The following KALRN variants were observed in gnomAD, a reference collection of about 807,000 sequenced individuals.
KALRN encodes the protein kalirin.
In KALRN, 70 loss-of-function variants were observed where a neutral mutation model predicts 353.7. The observed-to-expected ratio is 0.20, with a 90% CI of 0.16 to 0.24. The LOEUF (loss-of-function observed/expected upper bound fraction) is 0.24, where lower values mean the gene tolerates loss of function less well. KALRN is among the 10% of genes least tolerant of loss of function. The pLI is 1.00. For missense variants in KALRN, 2,791 were observed against 3,756.7 expected (o/e 0.74, Z 6.72); for synonymous variants, 1,391 against 1,434.8 (o/e 0.97, Z 0.69).
intron 9 of KALRN, among the ~76,000 whole-genome samples, chr3:124,336,605 C>G (rs541463874): frequency 3.4e-4 from 51 of 152,218 alleles, no homozygotes; most frequent in African/African-American, 1.2e-3. Context: ...CAGACTCCAA[C>G]TATCAGGGAA....
chr3:124,374,737 C>A (rs765405900), intron 10 of KALRN, among the ~76,000 whole-genome samples: 2 of 152,236 alleles, frequency 1.3e-5, no homozygotes, highest in Non-Finnish European at 2.9e-5. Context: ...CACCCACTCC[C>A]TCCCACTGCC....
intron 33 of KALRN, chr3:124,562,621 T>C (rs1248090867): frequency 8.4e-6 from 3 of 358,382 alleles, no homozygotes; most frequent in Non-Finnish European, 1.6e-5. Context: ...AGCACTGTGC[T>C]AATTACATTT....
At chr3:124,169,345 T>C (rs2071374858) in intron 1 of KALRN, among the ~76,000 whole-genome samples, 1 of 151,962 alleles carries the variant, frequency 6.6e-6, no homozygotes, top group Non-Finnish European at 1.5e-5. Flanking sequence ...AGGGATGGGG[T>C]GGATTTGGCT....
At chr3:124,202,244 GT>G (rs569828609) in intron 1 of KALRN, among the ~76,000 whole-genome samples, 5 of 151,914 alleles carry the variant, frequency 3.3e-5, no homozygotes, top group Non-Finnish European at 5.9e-5. Context: ...CTTCACTTTA[GT>G]TTTTTTGTTT....
Position 124,674,436 on chromosome 3 carries a change from G to T in KALRN, c.7015G>T (p.Glu2339Ter). The stretch of plus-strand genomic sequence containing the variant: ...AGATTACTATGCACTGAAGGAGAAT[G>T]AAATCTGTGTGAGCCAAGGTGAGGT... ...IKDYYALKEN[E>*]ICVSQGEVVQ... The change falls in exon 49 of 60, where the codon GAA becomes TAA. Residue 2339 changes from glutamate (E) to a stop codon, truncating the protein, a stop_gained. Coordinates refer to ENST00000682506, the MANE Select transcript of KALRN (RefSeq NM_001388419.1). LOFTEE classifies it high-confidence loss of function. 6.2e-7 allele frequency: 1 copy of T among 1,614,084 alleles called. No homozygotes were observed. Among genetic ancestry groups the T allele is most frequent in the Non-Finnish European group, 8.5e-7 (1 of 1,180,004 alleles).
chr3:124,266,769 T>G (rs2148905264), intron 4 of KALRN, among the ~76,000 whole-genome samples: 1 of 152,302 alleles, frequency 6.6e-6, no homozygotes, highest in South Asian at 2.1e-4. Flanking sequence ...TACAAGAAAT[T>G]TGGCTTGGTA....
Position 124,529,151 on chromosome 3 carries a change from T to G in KALRN, c.4935+32738T>G, listed in dbSNP as rs186818096. Among the ~76,000 whole-genome samples, 68 of 152,300 alleles carry G rather than the reference T, an allele frequency of 4.5e-4. 1 individual carries two copies. The East Asian group carries it at 0.012, about 28-fold the overall frequency. On this transcript the variant is annotated intron_variant, in intron 33 of 59. Transcript: ENST00000682506. The stretch of plus-strand genomic sequence containing the variant: ...GGATAAGTTCCATGAGGGTAGGGAT[T>G]CTTGTCTGCTTTCTTCACTGCTATA...
intron 6 of KALRN, among the ~76,000 whole-genome samples, chr3:124,324,810 T>A (rs1432246442): frequency 2.0e-5 from 3 of 152,250 alleles, no homozygotes; most frequent in Non-Finnish European, 4.4e-5. Flanking sequence ...CTACTCAGTA[T>A]TAATGAACTA....
intron 14 of KALRN, among the ~76,000 whole-genome samples, chr3:124,418,950 C>A (rs1219519156): frequency 6.6e-6 from 1 of 150,892 alleles, no homozygotes; most frequent in African/African-American, 2.4e-5. Context: ...TTTTTTAATT[C>A]TCCAGCTGAT....
chr3:124,382,979 C>G (rs1292328798), intron 10 of KALRN, among the ~76,000 whole-genome samples: 2 of 152,200 alleles, frequency 1.3e-5, no homozygotes, highest in Admixed American at 6.5e-5. Context: ...AACTACTTTC[C>G]TCATATGAAG....
intron 10 of KALRN, among the ~76,000 whole-genome samples, chr3:124,352,228 G>A (rs1374353799): frequency 6.6e-6 from 1 of 152,210 alleles, no homozygotes; most frequent in Non-Finnish European, 1.5e-5. Flanking sequence ...TGGAGTTCCT[G>A]CCCATAATAG....
In KALRN at chr3:124,334,237, T is replaced by A; in HGVS notation, c.1417-28T>A. 1 of 1,597,626 alleles carries A rather than the reference T, an allele frequency of 6.3e-7. No individual in the cohort carries two copies. The highest frequency in any genetic ancestry group is 2.2e-5 in the East Asian group (1 of 44,800). ...GTGCCCTGCCTATCACCCTTTTCCC[T>A]TAACTTAAACTTCTCTCTTTCCTGC... On this transcript the variant is annotated intron_variant, in intron 8 of 59. Transcript: ENST00000682506. The surrounding 1 kb of genome is among the most constrained non-coding windows in gnomAD (Gnocchi z 4.2).
intron 10 of KALRN, among the ~76,000 whole-genome samples, chr3:124,347,500 A>G (rs1351543565): frequency 6.6e-6 from 1 of 151,864 alleles, no homozygotes; most frequent in Non-Finnish European, 1.5e-5. Context: ...GCCTGATGCA[A>G]GGAGTCCTTT....
rs544362621 is a variant in KALRN at position 124,618,629 on chromosome 3, C to T, written c.5183-13791C>T. Among the ~76,000 whole-genome samples, 4 of 152,254 alleles carry T rather than the reference C, an allele frequency of 2.6e-5. 1 individual carries two copies. The highest frequency in any genetic ancestry group is 2.0e-4 in the Admixed American group (3 of 15,298). On this transcript the variant is annotated intron_variant, in intron 34 of 59. Coordinates refer to ENST00000682506, the MANE Select transcript of KALRN (RefSeq NM_001388419.1). ...TTACTAGATAAGCTAATAGAGTTAA[C>T]GGTGCTTTACGGAGCTCATTGAGGG... is the stretch of plus-strand genomic sequence containing the variant.
At chr3:124,364,975 A>C (rs1356324188) in intron 10 of KALRN, among the ~76,000 whole-genome samples, 1 of 152,188 alleles carries the variant, frequency 6.6e-6, no homozygotes, top group Non-Finnish European at 1.5e-5. Context: ...AAGTTGGCTC[A>C]AAAAGTCACT....
chr3:124,307,105 T>A (rs1174008627), intron 6 of KALRN, among the ~76,000 whole-genome samples: 1 of 152,138 alleles, frequency 6.6e-6, no homozygotes, highest in Non-Finnish European at 1.5e-5. Context: ...AAAGACAGTA[T>A]AAACACACAT....
intron 16 of KALRN, among the ~76,000 whole-genome samples, chr3:124,432,370 C>T (rs1263598168): frequency 3.9e-5 from 6 of 152,216 alleles, no homozygotes; most frequent in East Asian, 1.9e-4. Flanking sequence ...GCTGAGATTG[C>T]GCCACTGCAC....
chr3:124,122,164 C>T (rs984421643), intron 1 of KALRN, among the ~76,000 whole-genome samples: 6 of 152,118 alleles, frequency 3.9e-5, no homozygotes, highest in African/African-American at 1.4e-4. Context: ...AAATTCCTGG[C>T]TGTCATGGAA....
chr3:124,546,939 A>T (rs977411387), intron 33 of KALRN, among the ~76,000 whole-genome samples: 3 of 152,216 alleles, frequency 2.0e-5, no homozygotes, highest in Admixed American at 2.0e-4. Flanking sequence ...GTGAATCCAG[A>T]GGCAGAATAC....
Sources: allele counts gnomAD v4.1 joint callset (sites outside exome capture counted in the v4.1 genomes callset), GRCh38; gene constraint gnomAD v4.1.1; non-coding constraint Gnocchi (gnomAD v3.1); transcripts MANE v1.5; gene names NCBI Gene and HGNC (gene_info 2026-07-23, HGNC 2026-07-21).